EPB41L5: variants seen among roughly 807,000 people sequenced by gnomAD.
The protein encoded by EPB41L5 is erythrocyte membrane protein band 4.1 like 5, also known as band 4.1-like protein 5.
Under a neutral mutation model 106.6 loss-of-function variants are expected in EPB41L5, and 55 were observed. That is an observed-to-expected ratio of 0.52 (90% CI 0.42 to 0.65). EPB41L5 has a LOEUF of 0.65. Among genes scored for constraint, EPB41L5 ranks in the 30% least tolerant of loss-of-function variants. The pLI, the probability that EPB41L5 is intolerant of heterozygous loss-of-function variation, is 0.00. For synonymous variants in EPB41L5, 297 were observed against 306.7 expected, an observed-to-expected ratio of 0.97 and a Z score of 0.33; for missense variants, 871 against 882.1, an observed-to-expected ratio of 0.99 and a Z score of 0.16.
At chr2:120,133,574 C>T (rs372489414) in intron 18 of EPB41L5, among the ~76,000 whole-genome samples, 32 of 152,270 alleles carry the variant, frequency 2.1e-4, no homozygotes, top group Middle Eastern at 3.4e-3. Context: ...CAGCCCTAGC[C>T]AGAGAAGAAT....
chr2:120,100,335 G>A (rs1252609415), intron 15 of EPB41L5, 49 bp downstream of exon 15: 10 of 1,525,904 alleles, frequency 6.6e-6, no homozygotes, highest in African/African-American at 1.4e-5. Flanking sequence ...GTTAATTATG[G>A]TAACAGTAGT....
chr2:120,093,184 G>T, intron 13 of EPB41L5, 65 bp from the exon 14 acceptor site: 1 of 1,330,664 alleles, frequency 7.5e-7, no homozygotes, highest in South Asian at 1.2e-5. Flanking sequence ...GTTTTGCTTT[G>T]AATAGTGCAG....
At chr2:120,153,782 A>C (rs1686780883) in intron 20 of EPB41L5, among the ~76,000 whole-genome samples, 1 of 152,100 alleles carries the variant, frequency 6.6e-6, no homozygotes, top group Non-Finnish European at 1.5e-5. Flanking sequence ...TTTGATTTGA[A>C]GTCTATTTGT....
At chr2:120,034,347 T>C (rs886103729) in intron 2 of EPB41L5, among the ~76,000 whole-genome samples, 1 of 152,218 alleles carries the variant, frequency 6.6e-6, no homozygotes, top group African/African-American at 2.4e-5. Flanking sequence ...AAAGCAATGC[T>C]TCCCTTTTGT....
chr2:120,082,137 C>T (rs948249496), intron 10 of EPB41L5, among the ~76,000 whole-genome samples: 22 of 152,216 alleles, frequency 1.4e-4, no homozygotes, highest in African/African-American at 5.1e-4. Flanking sequence ...CCAGAACTTC[C>T]AACACTATGT....
At chr2:120,110,575 T>C (rs890638368) in intron 16 of EPB41L5, among the ~76,000 whole-genome samples, 1 of 152,012 alleles carries the variant, frequency 6.6e-6, no homozygotes, top group African/African-American at 2.4e-5. Flanking sequence ...ATGTTCAGCT[T>C]ACAGAACAGT....
chr2:120,036,316 TG>T (rs1444397630), intron 2 of EPB41L5, among the ~76,000 whole-genome samples: 2 of 152,212 alleles, frequency 1.3e-5, no homozygotes, highest in Non-Finnish European at 2.9e-5. Context: ...GGGAGTTGTT[TG>T]TATAATGGAA....
At chr2:120,152,646 C>T (rs987042449) in intron 20 of EPB41L5, among the ~76,000 whole-genome samples, 4 of 152,190 alleles carry the variant, frequency 2.6e-5, no homozygotes, top group Non-Finnish European at 4.4e-5. Flanking sequence ...GTTCCTTCTT[C>T]TGCTGTGTTT....
chr2:120,023,539 C>T (rs1678089243), intron 2 of EPB41L5, among the ~76,000 whole-genome samples: 1 of 151,786 alleles, frequency 6.6e-6, no homozygotes, highest in Non-Finnish European at 1.5e-5. Context: ...TCCATTGGTC[C>T]GTATGTCTGT....
At chr2:120,169,071 CAGAG>C (rs1687548215) in intron 24 of EPB41L5, among the ~76,000 whole-genome samples, 1 of 151,972 alleles carries the variant, frequency 6.6e-6, no homozygotes, top group Non-Finnish European at 1.5e-5. Flanking sequence ...CAGATGAAAG[CAGAG>C]CTTATCTCTT....
rs370728052 is a variant in EPB41L5 at position 120,174,820 on chromosome 2, C to T, written c.2136-21C>T. 61 of 1,613,272 alleles carry T rather than the reference C, an allele frequency of 3.8e-5. No homozygotes were observed. In the African/African-American group the frequency reaches 7.9e-4, roughly 21 times the overall value. ...CAAACCCCAGGGGTTCCCTGAGTAACCCATTCTCTCTTCCTTTCAGCTCTG... is the reference window on the plus strand; with the variant it reads ...CAAACCCCAGGGGTTCCCTGAGTAATCCATTCTCTCTTCCTTTCAGCTCTG... On this transcript the variant is annotated intron_variant, in intron 24 of 24. Transcript: ENST00000263713.
chr2:120,035,587 T>C (rs1052140529), intron 2 of EPB41L5, among the ~76,000 whole-genome samples: 4 of 152,200 alleles, frequency 2.6e-5, no homozygotes, highest in African/African-American at 9.7e-5. Flanking sequence ...GGAGGATTGC[T>C]TAAGGCCACG....
chr2:120,172,064 T>TG (rs1302431258), intron 24 of EPB41L5, among the ~76,000 whole-genome samples: 2 of 143,868 alleles, frequency 1.4e-5, no homozygotes, highest in Non-Finnish European at 3.0e-5. Context: ...ATATTAAAAA[T>TG]GAAATCCAAA....
intron 10 of EPB41L5, among the ~76,000 whole-genome samples, chr2:120,079,897 C>T (rs576264891): frequency 1.3e-5 from 2 of 152,178 alleles, no homozygotes; most frequent in South Asian, 2.1e-4. Flanking sequence ...TAGGGTCCTG[C>T]GTGGTCCTCC....
chr2:120,127,767 A>G lies in EPB41L5; in HGVS notation c.1417A>G (p.Thr473Ala). 1 of 1,613,868 alleles carries G rather than the reference A, an allele frequency of 6.2e-7. No individual in the cohort carries two copies. Among genetic ancestry groups the G allele is most frequent in the Non-Finnish European group, 8.5e-7 (1 of 1,179,800 alleles). Residue 473 changes from threonine (T) to alanine (A), a missense_variant, in exon 17 of 25, where the codon ACT becomes GCT. Coordinates refer to ENST00000263713, the MANE Select transcript of EPB41L5 (RefSeq NM_020909.4). ...TIGDVIGASD[T>A]METSQALNDV... ...TGGTGATGTAATTGGGGCATCTGAC[A>G]CTATGGAAACATCCCAAGCACTGAA...
chr2:120,067,392 G>T (rs1681516451), intron 3 of EPB41L5, among the ~76,000 whole-genome samples: 1 of 152,196 alleles, frequency 6.6e-6, no homozygotes, highest in Non-Finnish European at 1.5e-5. Context: ...CCTTGGCTCT[G>T]TGAACTAGTT....
chr2:120,069,364 T>C (rs1469396511), intron 3 of EPB41L5, among the ~76,000 whole-genome samples: 1 of 151,928 alleles, frequency 6.6e-6, no homozygotes, highest in African/African-American at 2.4e-5. Context: ...TCCCACACAT[T>C]AATAGTGGGA....
intron 16 of EPB41L5, among the ~76,000 whole-genome samples, chr2:120,111,299 T>C (rs1684719220): frequency 1.3e-5 from 2 of 152,242 alleles, no homozygotes. Flanking sequence ...GAATTTAATA[T>C]GTTCAAAATT....
At chr2:120,094,426 G>T in intron 14 of EPB41L5, among the ~76,000 whole-genome samples, 1 of 147,894 alleles carries the variant, frequency 6.8e-6, no homozygotes. Context: ...AAGTTCCATA[G>T]TAATATCTCC....
Sources: allele counts gnomAD v4.1 joint callset (sites outside exome capture counted in the v4.1 genomes callset), GRCh38; gene constraint gnomAD v4.1.1; transcripts MANE v1.5; gene names NCBI Gene and HGNC (gene_info 2026-07-23, HGNC 2026-07-21).